RALGPS1: variants seen among roughly 807,000 people sequenced by gnomAD.
RALGPS1 encodes Ral GEF with PH domain and SH3 binding motif 1.
Under a neutral mutation model 78.8 loss-of-function variants are expected in RALGPS1, and 19 were observed. The observed-to-expected ratio is 0.24, with a 90% CI of 0.17 to 0.35. The LOEUF (loss-of-function observed/expected upper bound fraction) is 0.35. RALGPS1 is among the 10% of genes least tolerant of loss of function. RALGPS1 has a pLI of 1.00. For synonymous variants in RALGPS1, 228 were observed against 256.3 expected, an observed-to-expected ratio of 0.89 and a Z score of 1.06; for missense variants, 454 against 688.3, an observed-to-expected ratio of 0.66 and a Z score of 3.81.
intron 8 of RALGPS1, among the ~76,000 whole-genome samples, chr9:127,125,622 C>T (rs1340110866): frequency 6.6e-6 from 1 of 152,184 alleles, no homozygotes; most frequent in African/African-American, 2.4e-5. Flanking sequence ...TCAGACTTCT[C>T]CCCACTCCCA....
At chr9:127,207,924 G>A (rs1303831161) in intron 14 of RALGPS1, among the ~76,000 whole-genome samples, 5 of 152,224 alleles carry the variant, frequency 3.3e-5, no homozygotes, top group Admixed American at 2.6e-4. Flanking sequence ...CCCTCCACCC[G>A]CACCAGAAAA....
At chr9:127,027,511 A>G (rs1262397862) in intron 4 of RALGPS1, among the ~76,000 whole-genome samples, 1 of 152,362 alleles carries the variant, frequency 6.6e-6, no homozygotes, top group Admixed American at 6.5e-5. Context: ...ACAGTGAAAT[A>G]TATACAAATA....
chr9:127,164,926 T>C (rs1187984648), intron 8 of RALGPS1, among the ~76,000 whole-genome samples: 2 of 152,254 alleles, frequency 1.3e-5, no homozygotes, highest in African/African-American at 4.8e-5. Context: ...GTATGATGTA[T>C]ACATATATGC....
At chr9:127,173,552 G>T (rs963089667) in intron 10 of RALGPS1, among the ~76,000 whole-genome samples, 5 of 152,140 alleles carry the variant, frequency 3.3e-5, no homozygotes, top group African/African-American at 1.2e-4. Context: ...GGTTTTGGGA[G>T]GAGAGGGAGA....
chr9:127,130,464 G>A (rs1248403721), intron 8 of RALGPS1, among the ~76,000 whole-genome samples: 4 of 151,968 alleles, frequency 2.6e-5, no homozygotes, highest in African/African-American at 9.7e-5. Flanking sequence ...TTTTTGGTTT[G>A]CACATCTGTC....
At chr9:127,148,263 C>G (rs2058216883) in intron 8 of RALGPS1, among the ~76,000 whole-genome samples, 1 of 152,178 alleles carries the variant, frequency 6.6e-6, no homozygotes, top group Non-Finnish European at 1.5e-5. Flanking sequence ...TGTGAGCCCC[C>G]AGCCTGGGAT....
At chr9:127,113,097 T>C (rs1042672252) in intron 8 of RALGPS1, among the ~76,000 whole-genome samples, 1 of 152,208 alleles carries the variant, frequency 6.6e-6, no homozygotes, top group Non-Finnish European at 1.5e-5. Context: ...CAGAACTGAT[T>C]GGGTTACAGG....
chr9:127,118,648 C>T (rs1217607683), intron 8 of RALGPS1, among the ~76,000 whole-genome samples: 1 of 152,208 alleles, frequency 6.6e-6, no homozygotes, highest in African/African-American at 2.4e-5. Context: ...TGAGGACCCT[C>T]TTAGCTCCTT....
chr9:127,067,284 G>A (rs1211326823), intron 7 of RALGPS1, among the ~76,000 whole-genome samples: 1 of 152,158 alleles, frequency 6.6e-6, no homozygotes, highest in Non-Finnish European at 1.5e-5. Context: ...GAATTCCCTA[G>A]TGGGAAAAGA....
chr9:127,152,988 C>T (rs2058508813), intron 8 of RALGPS1, among the ~76,000 whole-genome samples: 1 of 152,198 alleles, frequency 6.6e-6, no homozygotes. Context: ...GAATAACTCA[C>T]CCAGAATCAC....
At chr9:126,970,644 TGAGA>T (rs1001720682) in intron 3 of RALGPS1, among the ~76,000 whole-genome samples, 4 of 151,844 alleles carry the variant, frequency 2.6e-5, no homozygotes, top group African/African-American at 7.3e-5. Context: ...TGTGTGTGAG[TGAGA>T]GAGAGAAATC....
chr9:127,108,395 C>T (rs764850682), intron 8 of RALGPS1: 10 of 1,608,942 alleles, frequency 6.2e-6, no homozygotes, highest in Admixed American at 1.7e-5. Flanking sequence ...ATGCCGCCGT[C>T]CACCTCCACC....
chr9:126,983,488 T>G lies in RALGPS1; in HGVS notation c.216+5743T>G, dbSNP rs537917885. ...GATGTAGCTCTTTAAAAAGTTATTTTCTACCATAATCACAATAGCATTATC... is the reference window on the plus strand; with the variant it reads ...GATGTAGCTCTTTAAAAAGTTATTTGCTACCATAATCACAATAGCATTATC... On this transcript the variant is annotated intron_variant, in intron 4 of 18. Coordinates refer to ENST00000259351, the MANE Select transcript of RALGPS1 (RefSeq NM_014636.3). 1.1e-4 allele frequency among the ~76,000 whole-genome samples: 16 copies of G among 152,340 alleles called. No individual in the cohort carries two copies. In the South Asian group the frequency reaches 3.1e-3, roughly 30 times the overall value.
At position 127,221,064 on chromosome 9, in the gene RALGPS1, T is replaced by C. The variant is rs2062760744; in HGVS notation, c.*2295T>C. On this transcript the variant is annotated 3_prime_UTR_variant, in exon 19 of 19. Transcript: ENST00000259351. ...TTAGATTTTGTTGGCAAAAGCCTTA[T>C]AGAAGCAGTAAGAGGCTTGACCACG... 6.6e-6 allele frequency: 1 copy of C among 152,408 alleles called. No individual in the cohort carries two copies. The highest frequency in any genetic ancestry group is 6.5e-5 in the Admixed American group (1 of 15,282). The allele number at this position is 152,408 out of a possible 1,614,324, so 9.4% of individuals were successfully genotyped here.
At chr9:127,061,533 G>C (rs2049210718) in intron 7 of RALGPS1, among the ~76,000 whole-genome samples, 1 of 152,140 alleles carries the variant, frequency 6.6e-6, no homozygotes, top group African/African-American at 2.4e-5. Context: ...GTCTTTTCTA[G>C]TCTTACGCAA....
intron 5 of RALGPS1, among the ~76,000 whole-genome samples, chr9:127,036,577 G>A (rs2046882590): frequency 6.6e-6 from 1 of 152,192 alleles, no homozygotes; most frequent in Non-Finnish European, 1.5e-5. Flanking sequence ...CAGCTGATTG[G>A]GAGGAGGTTG....
intron 7 of RALGPS1, among the ~76,000 whole-genome samples, chr9:127,065,852 A>T (rs1025353257): frequency 6.6e-6 from 1 of 152,190 alleles, no homozygotes; most frequent in Non-Finnish European, 1.5e-5. Context: ...TCCTGCATTT[A>T]TCTAGAGGAA....
intron 11 of RALGPS1, among the ~76,000 whole-genome samples, chr9:127,191,689 G>GTTTTTTTTTTTTTTT (rs2061045027): frequency 7.0e-6 from 1 of 143,504 alleles, no homozygotes; most frequent in African/African-American, 2.6e-5. Context: ...TTGTTTTTTG[G>GTTTTTTTTTTTTTTT]GTTTTTTTTT....
intron 8 of RALGPS1, among the ~76,000 whole-genome samples, chr9:127,116,895 G>A (rs2055486957): frequency 1.3e-5 from 2 of 152,204 alleles, no homozygotes; most frequent in African/African-American, 4.8e-5. Context: ...AAGTGGTGGA[G>A]CTGGGCCCAG....
Sources: allele counts gnomAD v4.1 joint callset (sites outside exome capture counted in the v4.1 genomes callset), GRCh38; gene constraint gnomAD v4.1.1; transcripts MANE v1.5; gene names NCBI Gene and HGNC (gene_info 2026-07-23, HGNC 2026-07-21).